Variants in UNC13A observed in about 807,000 individuals in gnomAD.
The protein encoded by UNC13A is protein unc-13 homolog A.
Under a neutral mutation model 219.7 loss-of-function variants are expected in UNC13A, and 61 were observed. The ratio of observed to expected loss-of-function variants is 0.28; its 90% CI spans 0.23 to 0.34. The LOEUF (loss-of-function observed/expected upper bound fraction) is 0.34. Among genes scored for constraint, UNC13A ranks in the 10% least tolerant of loss-of-function variants. The probability of loss-of-function intolerance (pLI) is 1.00; values close to 1 mark genes in which losing one functional copy is unlikely to be tolerated. For synonymous variants in UNC13A, 920 were observed against 884.6 expected (o/e 1.04, Z -0.71); for missense variants, 1,476 against 2,270.3 (o/e 0.65, Z 7.11).
chr19:17,606,829 C>T (rs2144903288), intron 43 of UNC13A, among the ~76,000 whole-genome samples: 1 of 138,556 alleles, frequency 7.2e-6, no homozygotes, highest in Admixed American at 7.2e-5. Context: ...ACCCCTCTTA[C>T]TTCCAAGATG....
chr19:17,642,474 C>A (rs2076981520), intron 20 of UNC13A, among the ~76,000 whole-genome samples: 1 of 152,206 alleles, frequency 6.6e-6, no homozygotes, highest in African/African-American at 2.4e-5. Flanking sequence ...ATCATTCATT[C>A]ATTCACCAGC....
At chr19:17,639,790 G>C (rs778031188) in intron 23 of UNC13A, 50 bp downstream of exon 23, 5 of 1,595,920 alleles carry the variant, frequency 3.1e-6, no homozygotes, top group African/African-American at 1.3e-5. Flanking sequence ...TCCCCTCCAG[G>C]CACACACATG....
intron 12 of UNC13A, among the ~76,000 whole-genome samples, chr19:17,651,781 C>T (rs2079353474): frequency 6.6e-6 from 1 of 152,176 alleles, no homozygotes; most frequent in Non-Finnish European, 1.5e-5. Context: ...GGTACCTGCT[C>T]ATTTATTTAG....
chr19:17,661,500 C>T (rs2079550659), intron 8 of UNC13A, among the ~76,000 whole-genome samples: 1 of 151,936 alleles, frequency 6.6e-6, no homozygotes, highest in East Asian at 1.9e-4. Flanking sequence ...TCAAGACCAG[C>T]CTGGCCAACA....
At chr19:17,653,370 G>C (rs556083728) in intron 11 of UNC13A, among the ~76,000 whole-genome samples, 1 of 150,970 alleles carries the variant, frequency 6.6e-6, no homozygotes, top group Non-Finnish European at 1.5e-5. Context: ...TGTTTGAGAC[G>C]GAGTTTCCCT....
chr19:17,675,580 G>A lies in UNC13A; in HGVS notation c.52+432C>T, dbSNP rs569360064. ...CCAGAGGCAGAGGTTGCAGTGAGCC[G>A]AGATCACGCCACTGCACTCCAGCCT... On this transcript the variant is annotated intron_variant, in intron 2 of 43. Transcript: ENST00000519716. 2.7e-4 allele frequency among the ~76,000 whole-genome samples: 40 copies of A among 147,740 alleles called. 1 individual carries two copies. In the East Asian group the frequency reaches 5.5e-3, roughly 20 times the overall value.
At chr19:17,616,951 T>G (rs1274636119) in intron 41 of UNC13A, among the ~76,000 whole-genome samples, 2 of 152,244 alleles carry the variant, frequency 1.3e-5, no homozygotes, top group East Asian at 3.9e-4. Flanking sequence ...AGCTGCCGTG[T>G]GTGTGCGCTC....
intron 36 of UNC13A, among the ~76,000 whole-genome samples, 181 bp from the exon 37 acceptor site, chr19:17,622,051 G>A (rs556077896): frequency 8.5e-5 from 13 of 152,280 alleles, no homozygotes; most frequent in South Asian, 4.1e-4. Flanking sequence ...ACGTGCATGC[G>A]CTTTAGTGAC....
At chr19:17,688,021 C>A (rs1038161321) in intron 1 of UNC13A, among the ~76,000 whole-genome samples, 157 bp downstream of exon 1, 3 of 152,106 alleles carry the variant, frequency 2.0e-5, no homozygotes, top group Non-Finnish European at 4.4e-5. Flanking sequence ...TCACCCCCTC[C>A]GGGGCCCAGC....
chr19:17,687,825 C>T (rs1490856794), intron 1 of UNC13A, among the ~76,000 whole-genome samples: 1 of 152,132 alleles, frequency 6.6e-6, no homozygotes, highest in East Asian at 1.9e-4. Context: ...AACTACCGAG[C>T]CCAGACTCTT....
intron 31 of UNC13A, among the ~76,000 whole-genome samples, chr19:17,628,840 C>T (rs151068163): frequency 4.7e-4 from 71 of 152,150 alleles, no homozygotes; most frequent in East Asian, 3.3e-3. Flanking sequence ...CACAACCAGA[C>T]GAAACACAAT....
At chr19:17,609,871 G>A in intron 43 of UNC13A, 69 bp downstream of exon 43, 1 of 1,599,784 alleles carries the variant, frequency 6.3e-7, no homozygotes, top group Non-Finnish European at 8.5e-7. Context: ...CTGCCTAGCT[G>A]GCTTTGGGGT....
rs1040267061 is a variant in UNC13A, at chr19:17,657,783, C to G, written c.767+279G>C. Reference sequence around the variant, plus strand: ...ACTGGGGAGGCTGAGGCAGGAGAATCGCTTGAGTCTGGGTGGTGGAGGTTG... The same window carrying G: ...ACTGGGGAGGCTGAGGCAGGAGAATGGCTTGAGTCTGGGTGGTGGAGGTTG... On this transcript the variant is annotated intron_variant, in intron 9 of 43. Coordinates refer to ENST00000519716, the MANE Select transcript of UNC13A (RefSeq NM_001080421.3). Among the ~76,000 whole-genome samples the G allele has an allele frequency of 2.0e-5, 3 of 151,258 alleles. No homozygotes were observed. The South Asian group carries it at 6.3e-4, about 32-fold the overall frequency.
At position 17,688,244 on chromosome 19, in the gene UNC13A, G is replaced by A. The variant is rs1218890280; in HGVS notation, c.-45C>T. ...GGCCGGAGGCGGCCGGGCCGGCTCTGTCGGGTCGGGCTCAGCGGCCGCTGG... is the reference window on the plus strand; with the variant it reads ...GGCCGGAGGCGGCCGGGCCGGCTCTATCGGGTCGGGCTCAGCGGCCGCTGG... On this transcript the variant is annotated 5_prime_UTR_variant, in exon 1 of 44. Transcript: ENST00000519716. 20 of 1,448,394 alleles carry A rather than the reference G, an allele frequency of 1.4e-5. No homozygotes were observed. Among genetic ancestry groups the A allele is most frequent in the Admixed American group, 5.5e-5 (2 of 36,562 alleles). 89.7% of individuals were successfully genotyped at this position (1,448,394 alleles called of 1,614,324 possible). A position where few individuals can be genotyped will look rare whatever the true frequency, so the allele number is the denominator to read the frequency against.
Position 17,643,562 on chromosome 19 carries a change from G to T in UNC13A, c.2357-602C>A, listed in dbSNP as rs192767194. ...TCGAACTCCTGACCTCAGGTGATCC[G>T]CCCGCCTCGGCCTCCCAAGGCAATT... is the stretch of plus-strand genomic sequence containing the variant. On this transcript the variant is annotated intron_variant, in intron 19 of 43. Coordinates refer to ENST00000519716, the MANE Select transcript of UNC13A (RefSeq NM_001080421.3). Among the ~76,000 whole-genome samples the T allele has an allele frequency of 5.0e-3, 760 of 152,018 alleles. 12 individuals carry two copies. Among genetic ancestry groups the T allele is most frequent in the African/African-American group, 0.018 (745 of 41,472 alleles).
intron 36 of UNC13A, 59 bp downstream of exon 36, chr19:17,623,483 G>T (rs1599341813): frequency 6.9e-7 from 1 of 1,446,544 alleles, no homozygotes. Context: ...CGACGCGGTG[G>T]GCCGAGTCCA....
At position 17,655,356 on chromosome 19, in the gene UNC13A, C is replaced by A; in HGVS notation, c.1310G>T (p.Gly437Val). The change falls in exon 11 of 44, where the codon GGC becomes GTC. Residue 437 changes from glycine to valine, a missense_variant. Around this residue, in one of 14 missense-constraint regions of UNC13A, gnomAD observed 351 missense variants for 342.6 expected, o/e 1.02. Coordinates refer to ENST00000519716, the MANE Select transcript of UNC13A (RefSeq NM_001080421.3). The stretch of plus-strand genomic sequence containing the variant: ...GGACATGGAGTCCTGCCCCTCCTGG[C>A]CTTCCTCATCCTCTCTCGGCCTGAA... ...ESFRPREDEE[G>V]QEGQDSMSRA... 6.3e-7 allele frequency: 1 copy of A among 1,587,824 alleles called. No homozygotes were observed. The highest frequency in any genetic ancestry group is 8.6e-7 in the Non-Finnish European group (1 of 1,167,476).
chr19:17,607,375 C>T (rs1206519298), intron 43 of UNC13A, among the ~76,000 whole-genome samples: 1 of 148,810 alleles, frequency 6.7e-6, no homozygotes, highest in Non-Finnish European at 1.5e-5. Flanking sequence ...GATTCTTCTG[C>T]CTCAGCCTCC....
chr19:17,620,304 A>G (rs898255345), intron 38 of UNC13A, among the ~76,000 whole-genome samples: 1 of 152,156 alleles, frequency 6.6e-6, no homozygotes, highest in East Asian at 1.9e-4. Flanking sequence ...TTATGTTCAT[A>G]GTCTACCAGC....
Sources: allele counts gnomAD v4.1 joint callset (sites outside exome capture counted in the v4.1 genomes callset), GRCh38; gene constraint gnomAD v4.1.1; regional missense constraint gnomAD v4.1.1; transcripts MANE v1.5; gene names NCBI Gene and HGNC (gene_info 2026-07-23, HGNC 2026-07-21).